Variants in NRP2 observed in about 807,000 individuals in gnomAD.
NRP2 encodes neuropilin 2, also known as neuropilin-2.
Under a neutral mutation model 110.4 loss-of-function variants are expected in NRP2, and 52 were observed. The ratio of observed to expected loss-of-function variants is 0.47; its 90% CI spans 0.38 to 0.59. The LOEUF is 0.59. Among genes scored for constraint, NRP2 ranks in the 20% least tolerant of loss-of-function variants. The probability of loss-of-function intolerance (pLI) is 0.00; values close to 1 mark genes in which losing one functional copy is unlikely to be tolerated. For missense variants in NRP2, 1,049 were observed against 1,203.0 expected (o/e 0.87, Z 1.89); for synonymous variants, 508 against 468.9 (o/e 1.08, Z -1.08).
At chr2:205,747,275 A>G (rs1559344853) in intron 10 of NRP2, among the ~76,000 whole-genome samples, 1 of 152,224 alleles carries the variant, frequency 6.6e-6, no homozygotes, top group Non-Finnish European at 1.5e-5. Context: ...CTGGAGACAG[A>G]TTGCCAAGTT....
intron 8 of NRP2, 112 bp downstream of exon 8, chr2:205,740,775 G>C: frequency 7.9e-7 from 1 of 1,272,226 alleles, no homozygotes; most frequent in Non-Finnish European, 1.1e-6. Context: ...CAGAAAGACT[G>C]GCTCAAGGAC....
rs114848039 is a variant in NRP2 at position 205,749,769 on chromosome 2, G to A, written c.1831G>A (p.Glu611Lys). 279 of 1,614,188 alleles carry A rather than the reference G, an allele frequency of 1.7e-4. No homozygotes were observed. The African/African-American group carries it at 2.6e-3, about 15-fold the overall frequency. Residue 611 changes from glutamate (E) to lysine (K), a missense_variant, in exon 11 of 17, where the codon GAA becomes AAA. Transcript: ENST00000357785. Reference sequence around the variant, plus strand: ...GACGCTGGGACCCACTGTGAAGAGCGAAGAGACAACCACCCCCTACCCCAC... The same window carrying A: ...GACGCTGGGACCCACTGTGAAGAGCAAAGAGACAACCACCCCCTACCCCAC... ...VETLGPTVKS[E>K]ETTTPYPTEE...
Position 205,763,555 on chromosome 2 carries a change from T to C in NRP2, c.2045-119T>C. 3 of 1,305,856 alleles carry C rather than the reference T, an allele frequency of 2.3e-6. No homozygotes were observed. The highest frequency in any genetic ancestry group is 2.6e-4 in the Middle Eastern group (1 of 3,882). The allele number at this position is 1,305,856 out of a possible 1,614,324, so 80.9% of individuals were successfully genotyped here. A position where few individuals can be genotyped will look rare whatever the true frequency, so the allele number is the denominator to read the frequency against. ...TCACAGAGCCTGGAGAACAAGGACA[T>C]GAATAAACCAAAGACACCGAAACTC... On this transcript the variant is annotated intron_variant, in intron 12 of 16. Coordinates refer to ENST00000357785, the MANE Select transcript of NRP2 (RefSeq NM_003872.3). This position sits in a 1 kb window ranked among gnomAD's most constrained non-coding sequence, Gnocchi z 4.0.
intron 1 of NRP2, among the ~76,000 whole-genome samples, chr2:205,692,160 A>G (rs979020159): frequency 6.6e-6 from 1 of 152,010 alleles, no homozygotes. Flanking sequence ...GAACTTTATC[A>G]TTTCAAAAGT....
intron 2 of NRP2, among the ~76,000 whole-genome samples, chr2:205,698,966 G>A (rs2056496111): frequency 1.3e-5 from 2 of 152,240 alleles, no homozygotes; most frequent in Non-Finnish European, 1.5e-5. Flanking sequence ...ACTAGTGCTA[G>A]ACTGTGAGGC....
chr2:205,752,960 G>T lies in NRP2; in HGVS notation c.2029G>T (p.Asp677Tyr), dbSNP rs143905342. ...CTGGGCCAGCAGCTCCAGCCCAAAC[G>T]ACCGGACGTTTCCAGGTAAGCCAGC... ...TTWASSSSPN[D>Y]RTFPDDRNFL... Residue 677 changes from aspartate to tyrosine, a missense_variant, in exon 12 of 17, where the codon GAC (aspartate) becomes TAC (tyrosine). Asp to Tyr is a radical substitution (Grantham distance 160). Coordinates refer to ENST00000357785, the MANE Select transcript of NRP2 (RefSeq NM_003872.3). 2.3e-4 allele frequency: 369 copies of T among 1,613,440 alleles called. No homozygotes were observed. The highest frequency in any genetic ancestry group is 3.1e-4 in the Non-Finnish European group (361 of 1,179,986).
intron 12 of NRP2, chr2:205,756,783 T>A (rs904239969): frequency 6.6e-6 from 1 of 152,236 alleles, no homozygotes; most frequent in African/African-American, 2.4e-5. Context: ...GATCCCTTGA[T>A]GGAGTGTTCA....
In NRP2 at chr2:205,722,524, C is replaced by A; in HGVS notation, c.480C>A (p.Ile160=). The A allele has an allele frequency of 6.2e-7, 1 of 1,614,222 alleles. No individual in the cohort carries two copies. The highest frequency in any genetic ancestry group is 2.2e-5 in the East Asian group (1 of 44,878). ...ACTTCACAAGCCCCAACGGGACCAT[C>A]GAATCTCCTGGGTTTCCTGAGAAGT... ...SKNFTSPNGT[I]ESPGFPEKYP... Residue 160 remains isoleucine, a synonymous_variant, in exon 4 of 17, where the codon ATC becomes ATA. Transcript: ENST00000357785.
chr2:205,703,144 G>A (rs2056596941), intron 2 of NRP2, among the ~76,000 whole-genome samples: 3 of 152,176 alleles, frequency 2.0e-5, no homozygotes. Flanking sequence ...CAGGCAATAG[G>A]TCAGCATGAG....
intron 1 of NRP2, among the ~76,000 whole-genome samples, chr2:205,691,709 T>C (rs747466051): frequency 6.6e-6 from 1 of 152,244 alleles, no homozygotes; most frequent in Non-Finnish European, 1.5e-5. Context: ...TGGTCAGGAA[T>C]TGTAATCCCA....
chr2:205,683,062 C>G lies in NRP2; in HGVS notation c.-229C>G, dbSNP rs553129042. The G allele has an allele frequency of 1.8e-6, 1 of 565,296 alleles. No individual in the cohort carries two copies. The highest frequency in any genetic ancestry group is 2.1e-5 in the South Asian group (1 of 47,816). 35.0% of individuals were successfully genotyped at this position (565,296 alleles called of 1,614,324 possible). A position where few individuals can be genotyped will look rare whatever the true frequency, so the allele number is the denominator to read the frequency against. The stretch of plus-strand genomic sequence containing the variant: ...TTAAGAGGAAAACCGTGTTCTCTTC[C>G]CGGCTTGTTCCCTCTTTGCTGATTT... On this transcript the variant is annotated 5_prime_UTR_variant, in exon 1 of 17. Coordinates refer to ENST00000357785, the MANE Select transcript of NRP2 (RefSeq NM_003872.3).
Position 205,794,992 on chromosome 2 carries a change from C to G in NRP2, c.2715C>G (p.Phe905Leu). The G allele has an allele frequency of 6.2e-7, 1 of 1,614,152 alleles. No homozygotes were observed. The highest frequency in any genetic ancestry group is 8.5e-7 in the Non-Finnish European group (1 of 1,180,038). The change falls in exon 17 of 17, where the codon TTC becomes TTG. Residue 905 changes from phenylalanine to leucine, a missense_variant. Phe to Leu is a conservative substitution (Grantham distance 22). Coordinates refer to ENST00000357785, the MANE Select transcript of NRP2 (RefSeq NM_003872.3). ...GCACCACACTGGAGAACTACAACTT[C>G]GAGCTCTACGATGGCCTTAAGCACA... is the stretch of plus-strand genomic sequence containing the variant. ...RSCTTLENYN[F>L]ELYDGLKHKV...
chr2:205,687,535 A>G (rs1453245764), intron 1 of NRP2, among the ~76,000 whole-genome samples: 4 of 152,138 alleles, frequency 2.6e-5, no homozygotes, highest in African/African-American at 4.8e-5. Context: ...GCACTCCCCA[A>G]AGGGCCCCGG....
At chr2:205,787,757 A>T (rs1342263062) in intron 15 of NRP2, among the ~76,000 whole-genome samples, 1 of 134,916 alleles carries the variant, frequency 7.4e-6, no homozygotes, top group Non-Finnish European at 1.6e-5. Context: ...TGTGTGTGTC[A>T]GAGAAAGAGA....
At position 205,763,789 on chromosome 2, in the gene NRP2, C is replaced by T; in HGVS notation, c.2160C>T (p.Tyr720=). 1 of 1,614,194 alleles carries T rather than the reference C, an allele frequency of 6.2e-7. No individual in the cohort carries two copies. The highest frequency in any genetic ancestry group is 8.5e-7 in the Non-Finnish European group (1 of 1,180,042). Residue 720 remains tyrosine, a synonymous_variant, in exon 13 of 17, where the codon TAC becomes TAT. Coordinates refer to ENST00000357785, the MANE Select transcript of NRP2 (RefSeq NM_003872.3). This position sits in a 1 kb window ranked among gnomAD's most constrained non-coding sequence, Gnocchi z 4.0. The part of the protein sequence containing the change: ...PRSPVCMEFQ[Y]QATGGRGVAL... Reference sequence around the variant, plus strand: ...GCCCGGTGTGCATGGAGTTCCAGTACCAGGCCACGGGCGGCCGCGGGGTGG... The same window carrying T: ...GCCCGGTGTGCATGGAGTTCCAGTATCAGGCCACGGGCGGCCGCGGGGTGG...
chr2:205,763,985 A>G lies in NRP2; in HGVS notation c.2307+49A>G, dbSNP rs2057868540. 1.2e-6 allele frequency: 2 copies of G among 1,609,554 alleles called. No homozygotes were observed. Among genetic ancestry groups the G allele is most frequent in the South Asian group, 2.2e-5 (2 of 90,820 alleles). On this transcript the variant is annotated intron_variant, in intron 13 of 16. Transcript: ENST00000357785. The surrounding 1 kb of genome is among the most constrained non-coding windows in gnomAD (Gnocchi z 4.0). ...TTGTGATCCGTATTTCAATATTTCA[A>G]GGGCCGAGCCCATTCATCGTTAGGG... is the stretch of plus-strand genomic sequence containing the variant.
intron 3 of NRP2, 98 bp from the exon 4 acceptor site, chr2:205,722,380 C>A: frequency 1.0e-6 from 1 of 966,678 alleles, no homozygotes; most frequent in Non-Finnish European, 1.6e-6. Context: ...ACCTCAAGAG[C>A]AGGGGGATTT....
intron 15 of NRP2, among the ~76,000 whole-genome samples, chr2:205,771,412 T>C (rs1455013020): frequency 1.3e-5 from 2 of 152,218 alleles, no homozygotes; most frequent in African/African-American, 4.8e-5. Flanking sequence ...TTATGTGAAA[T>C]GTTCCTCCAC....
At chr2:205,772,993 T>C (rs1282999600) in intron 15 of NRP2, among the ~76,000 whole-genome samples, 2 of 152,240 alleles carry the variant, frequency 1.3e-5, no homozygotes, top group Non-Finnish European at 2.9e-5. Flanking sequence ...TATTCCCCTA[T>C]GCCATCCGTC....
Sources: gnomAD v4.1 joint callset for allele counts (sites outside exome capture counted in the v4.1 genomes callset) on GRCh38, gnomAD v4.1.1 for gene constraint, Gnocchi (gnomAD v3.1) non-coding constraint, MANE v1.5 for transcripts, NCBI Gene and HGNC (gene_info 2026-07-23, HGNC 2026-07-21) for gene names.